The following CPQ variants were observed in gnomAD, a reference collection of about 807,000 sequenced individuals.
CPQ encodes Ser-Met dipeptidase.
CPQ carries 37 observed loss-of-function variants against 45.7 expected under a neutral mutation model. The ratio of observed to expected loss-of-function variants is 0.81; its 90% confidence interval spans 0.62 to 1.07. CPQ has a LOEUF of 1.07. Ranked by LOEUF, CPQ falls within the 50% of genes least tolerant of loss-of-function variation. The pLI is 0.00. For synonymous variants in CPQ, 186 were observed against 205.8 expected, an observed-to-expected ratio of 0.90 and a Z score of 0.82; for missense variants, 537 against 572.9, an observed-to-expected ratio of 0.94 and a Z score of 0.64.
intron 5 of CPQ, among the ~76,000 whole-genome samples, chr8:97,021,832 C>G (rs1171157164): frequency 6.6e-6 from 1 of 152,052 alleles, no homozygotes; most frequent in Non-Finnish European, 1.5e-5. Context: ...AAAATACCAC[C>G]ATCATTCTTC....
intron 4 of CPQ, among the ~76,000 whole-genome samples, chr8:96,942,255 C>G (rs1813134500): frequency 6.6e-6 from 1 of 152,136 alleles, no homozygotes; most frequent in African/African-American, 2.4e-5. Flanking sequence ...TTCTTTCATC[C>G]CCATAATGCA....
intron 1 of CPQ, among the ~76,000 whole-genome samples, chr8:96,693,688 C>T (rs1809334711): frequency 1.3e-5 from 2 of 152,140 alleles, no homozygotes; most frequent in Admixed American, 6.6e-5. Flanking sequence ...TCATCAACAT[C>T]AGACCTGTCC....
At chr8:96,714,686 T>A (rs1321224448) in intron 1 of CPQ, among the ~76,000 whole-genome samples, 1 of 152,168 alleles carries the variant, frequency 6.6e-6, no homozygotes. Context: ...AGAGCTACTG[T>A]GACCTTTTGG....
intron 3 of CPQ, among the ~76,000 whole-genome samples, chr8:96,864,726 T>C (rs947080906): frequency 2.2e-4 from 33 of 152,168 alleles, no homozygotes; most frequent in Admixed American, 2.6e-4. Context: ...ATTTCAGTAA[T>C]ATTTAAAAAT....
intron 5 of CPQ, among the ~76,000 whole-genome samples, chr8:96,990,746 A>G (rs151072710): frequency 6.6e-6 from 1 of 152,138 alleles, no homozygotes; most frequent in Non-Finnish European, 1.5e-5. Context: ...CTTCCCCTTT[A>G]GGAGGGATGG....
At chr8:96,682,371 A>G (rs915788001) in intron 1 of CPQ, among the ~76,000 whole-genome samples, 1 of 152,192 alleles carries the variant, frequency 6.6e-6, no homozygotes, top group South Asian at 2.1e-4. Flanking sequence ...TCCCTATACA[A>G]GCTCTCTCTC....
chr8:97,124,900 C>T (rs879167479), intron 7 of CPQ, among the ~76,000 whole-genome samples: 19 of 151,540 alleles, frequency 1.3e-4, no homozygotes, highest in Admixed American at 3.3e-4. Flanking sequence ...ACCTTAAGTA[C>T]GTAGAAAAAA....
At chr8:96,952,136 C>T (rs900114298) in intron 4 of CPQ, among the ~76,000 whole-genome samples, 5 of 152,100 alleles carry the variant, frequency 3.3e-5, no homozygotes, top group African/African-American at 1.2e-4. Flanking sequence ...CAAAAACTGG[C>T]AGATTAATTT....
chr8:96,886,306 A>G (rs1050248074), intron 4 of CPQ, among the ~76,000 whole-genome samples: 2 of 152,164 alleles, frequency 1.3e-5, no homozygotes, highest in Non-Finnish European at 2.9e-5. Context: ...CTGGGAAATC[A>G]TGGTATATTT....
At chr8:96,770,067 A>G (rs993310740) in intron 1 of CPQ, among the ~76,000 whole-genome samples, 1 of 152,196 alleles carries the variant, frequency 6.6e-6, no homozygotes, top group African/African-American at 2.4e-5. Context: ...TTTTCTAAGA[A>G]GGCAAACTAA....
At chr8:96,798,297 T>G (rs1027389583) in intron 2 of CPQ, among the ~76,000 whole-genome samples, 2 of 151,700 alleles carry the variant, frequency 1.3e-5, no homozygotes, top group African/African-American at 2.4e-5. Context: ...ACCTGGCTAA[T>G]TTTTCGATTT....
intron 1 of CPQ, among the ~76,000 whole-genome samples, chr8:96,748,837 G>T (rs371603885): frequency 7.6e-4 from 116 of 152,116 alleles, no homozygotes; most frequent in African/African-American, 2.6e-3. Context: ...TTTTGTGAAC[G>T]CTGTTAGGTA....
chr8:96,815,504 T>G (rs550805939), intron 2 of CPQ, among the ~76,000 whole-genome samples: 2 of 151,172 alleles, frequency 1.3e-5, no homozygotes, highest in Admixed American at 1.3e-4. Flanking sequence ...GTTGAGGGGG[T>G]TGGAGGAAAA....
In CPQ at chr8:97,123,071, TAAAATAAAATAAATA is replaced by T. The variant is rs1242984387; in HGVS notation, c.1256-19945_1256-19931del. On this transcript the variant is annotated intron_variant, in intron 7 of 7. Coordinates refer to ENST00000220763, the MANE Select transcript of CPQ (RefSeq NM_016134.4). ...ATAAAATAAAATAAAATAAAAAAAA[TAAAATAAAATAAATA>T]AAATAAAATAAAATAAATAAAATAA... 4.1e-3 allele frequency among the ~76,000 whole-genome samples: 157 copies of T among 38,514 alleles called. 23 individuals carry two copies. The highest frequency in any genetic ancestry group is 0.015 in the African/African-American group (139 of 9,164). The allele number at this position is 38,514 out of a possible 152,430, so 25.3% of individuals were successfully genotyped here. A position where few individuals can be genotyped will look rare whatever the true frequency, so the allele number is the denominator to read the frequency against.
chr8:96,917,159 T>A (rs936164732), intron 4 of CPQ, among the ~76,000 whole-genome samples: 2 of 152,074 alleles, frequency 1.3e-5, no homozygotes, highest in African/African-American at 2.4e-5. Flanking sequence ...TTCCAGGATT[T>A]AAAAAAACAA....
At chr8:97,016,633 A>G (rs1030429216) in intron 5 of CPQ, among the ~76,000 whole-genome samples, 1 of 152,182 alleles carries the variant, frequency 6.6e-6, no homozygotes, top group Non-Finnish European at 1.5e-5. Context: ...ATGCAGTTCT[A>G]GAGGAACATT....
intron 1 of CPQ, among the ~76,000 whole-genome samples, chr8:96,686,738 A>G (rs1277684056): frequency 6.6e-6 from 1 of 151,808 alleles, no homozygotes; most frequent in Non-Finnish European, 1.5e-5. Flanking sequence ...CCTATGCTCT[A>G]CAACACTTTG....
chr8:97,005,215 G>A (rs190210878), intron 5 of CPQ, among the ~76,000 whole-genome samples: 25 of 152,010 alleles, frequency 1.6e-4, no homozygotes, highest in African/African-American at 5.5e-4. Context: ...ACAAGTAGCT[G>A]GGACTACAGG....
At chr8:97,024,436 C>T (rs1047840209) in intron 5 of CPQ, among the ~76,000 whole-genome samples, 1 of 152,132 alleles carries the variant, frequency 6.6e-6, no homozygotes, top group Non-Finnish European at 1.5e-5. Flanking sequence ...AATGCTCCCC[C>T]AAAATGCCTA....
Sources: gnomAD v4.1 joint callset for allele counts (sites outside exome capture counted in the v4.1 genomes callset) on GRCh38, gnomAD v4.1.1 for gene constraint, MANE v1.5 for transcripts, NCBI Gene and HGNC (gene_info 2026-07-23, HGNC 2026-07-21) for gene names.